The following NBAS variants were observed in gnomAD, a reference collection of about 807,000 sequenced individuals.
NBAS encodes NAG/BC035112 fusion.
A neutral mutation model predicts 302.5 loss-of-function variants in NBAS; 219 were observed. That is an observed-to-expected ratio of 0.72 (90% CI 0.65 to 0.81). NBAS has a LOEUF of 0.81. Ranked by LOEUF, NBAS falls within the 30% of genes least tolerant of loss-of-function variation. The pLI, the probability that NBAS is intolerant of heterozygous loss-of-function variation, is 0.00. For missense variants in NBAS, 2,932 were observed against 2,841.6 expected (o/e 1.03, Z -0.72); for synonymous variants, 1,118 against 1,021.6 (o/e 1.09, Z -1.80).
In NBAS at chr2:15,461,101, T is replaced by C. The variant is rs555214457; in HGVS notation, c.2339+100A>G. 4.5e-6 allele frequency: 5 copies of C among 1,113,460 alleles called. No homozygotes were observed. The South Asian group carries it at 4.7e-5, about 10-fold the overall frequency. 69.0% of individuals were successfully genotyped at this position (1,113,460 alleles called of 1,614,324 possible). On this transcript the variant is annotated intron_variant, in intron 21 of 51. Transcript: ENST00000281513. ...TTATCAGGAAAAAAGTTTAAATATA[T>C]TACATTAAAATTATTTTTTTTAACT...
chr2:15,515,669 C>T (rs1221334557), intron 9 of NBAS, among the ~76,000 whole-genome samples: 1 of 152,076 alleles, frequency 6.6e-6, no homozygotes, highest in Non-Finnish European at 1.5e-5. Context: ...TGATGATTGG[C>T]CAAGTAAATA....
intron 31 of NBAS, among the ~76,000 whole-genome samples, chr2:15,372,410 G>C (rs1436255724): frequency 1.3e-5 from 2 of 152,092 alleles, no homozygotes; most frequent in Admixed American, 6.5e-5. Flanking sequence ...AGCAACTCCT[G>C]GAGTGTAGGC....
chr2:14,812,056 T>C, the NBAS span, among the ~76,000 whole-genome samples: 1 of 152,190 alleles, frequency 6.6e-6, no homozygotes, highest in African/African-American at 2.4e-5. Context: ...CTGCATGACA[T>C]TGGCTAGGGC....
Position 15,538,495 on chromosome 2 carries a change from C to G in NBAS, c.513+728G>C, listed in dbSNP as rs1663631140. 1.6e-5 allele frequency: 4 copies of G among 256,536 alleles called. No individual in the cohort carries two copies. In the South Asian group the frequency reaches 1.7e-4, roughly 11 times the overall value. The allele number at this position is 256,536 out of a possible 1,614,324, so 15.9% of individuals were successfully genotyped here. A position where few individuals can be genotyped will look rare whatever the true frequency, so the allele number is the denominator to read the frequency against. On this transcript the variant is annotated intron_variant, in intron 7 of 51. Coordinates refer to ENST00000281513, the MANE Select transcript of NBAS (RefSeq NM_015909.4). Reference sequence around the variant, plus strand: ...CCACAAAGATCAAATGAATCAGAATCTCTGTGAGTAGCGCCTGGGCAATCT... The same window carrying G: ...CCACAAAGATCAAATGAATCAGAATGTCTGTGAGTAGCGCCTGGGCAATCT...
At chr2:14,884,841 C>T in the NBAS span, among the ~76,000 whole-genome samples, 1 of 152,132 alleles carries the variant, frequency 6.6e-6, no homozygotes, top group African/African-American at 2.4e-5. Flanking sequence ...AGAAGAGATG[C>T]CTTTGAGCTG....
intron 21 of NBAS, 116 bp from the exon 22 acceptor site, chr2:15,427,910 ATAG>A: frequency 1.3e-6 from 1 of 791,086 alleles, no homozygotes. Flanking sequence ...ATTCATGCTT[ATAG>A]TATTTTAAGT....
the NBAS span, among the ~76,000 whole-genome samples, chr2:14,976,158 A>C: frequency 1.3e-5 from 2 of 152,234 alleles, no homozygotes; most frequent in Admixed American, 6.5e-5. Flanking sequence ...ACACGGCATG[A>C]GCCTCTCAGT....
chr2:14,881,800 G>A, the NBAS span, among the ~76,000 whole-genome samples: 1 of 152,096 alleles, frequency 6.6e-6, no homozygotes, highest in African/African-American at 2.4e-5. Flanking sequence ...GAGCCTGTAT[G>A]GTCTCCTAAA....
the NBAS span, among the ~76,000 whole-genome samples, chr2:15,081,082 A>G: frequency 6.6e-6 from 1 of 152,090 alleles, no homozygotes; most frequent in Non-Finnish European, 1.5e-5. Context: ...TGGTCTTCTC[A>G]CACATATGCC....
chr2:14,848,030 C>T, the NBAS span, among the ~76,000 whole-genome samples: 6 of 152,196 alleles, frequency 3.9e-5, 1 homozygote, highest in African/African-American at 1.2e-4. Flanking sequence ...CCTGAATGAC[C>T]AATATGTCAA....
At chr2:15,093,428 A>G in the NBAS span, among the ~76,000 whole-genome samples, 2 of 152,218 alleles carry the variant, frequency 1.3e-5, no homozygotes, top group African/African-American at 2.4e-5. Context: ...AATAAAAAAT[A>G]AAAAGGGCAC....
chr2:15,085,645 C>T, the NBAS span, among the ~76,000 whole-genome samples: 13 of 152,276 alleles, frequency 8.5e-5, no homozygotes, highest in Non-Finnish European at 1.8e-4. Flanking sequence ...CTGCAGCCAC[C>T]CAAGTCAGGA....
chr2:14,842,856 A>T, the NBAS span, among the ~76,000 whole-genome samples: 1 of 151,054 alleles, frequency 6.6e-6, no homozygotes, highest in East Asian at 1.9e-4. Context: ...CAAAAAAAAA[A>T]AAAAAAAACA....
the NBAS span, among the ~76,000 whole-genome samples, chr2:15,117,332 G>A: frequency 6.6e-6 from 1 of 152,102 alleles, no homozygotes; most frequent in Non-Finnish European, 1.5e-5. Context: ...AATATATCCT[G>A]GTTCTTGTCT....
At chr2:15,511,063 G>A in intron 10 of NBAS, 149 bp downstream of exon 10, 1 of 1,025,448 alleles carries the variant, frequency 9.8e-7, no homozygotes, top group Non-Finnish European at 1.4e-6. Context: ...TTATTTGAAA[G>A]AAATAAAATT....
At chr2:15,049,340 G>A in the NBAS span, among the ~76,000 whole-genome samples, 1 of 152,156 alleles carries the variant, frequency 6.6e-6, no homozygotes, top group Non-Finnish European at 1.5e-5. Context: ...CCACCTGCTG[G>A]GCTGCCTCCT....
the NBAS span, among the ~76,000 whole-genome samples, chr2:15,069,502 T>A: frequency 1.3e-5 from 2 of 151,894 alleles, no homozygotes; most frequent in African/African-American, 4.8e-5. Context: ...CACTGAGCTC[T>A]GAAGTCAGGC....
intron 23 of NBAS, among the ~76,000 whole-genome samples, chr2:15,419,389 TTGTG>T (rs987052116): frequency 7.3e-5 from 11 of 150,688 alleles, no homozygotes; most frequent in Admixed American, 1.3e-4. Flanking sequence ...AAAGTAAAAA[TTGTG>T]TGTGTGTATG....
the NBAS span, among the ~76,000 whole-genome samples, chr2:14,973,749 A>C: frequency 0.42 from 64,307 of 152,096 alleles, 14,639 homozygotes; most frequent in African/African-American, 0.59. Flanking sequence ...TACATAAGTT[A>C]TTTACGATAT....
Sources: allele counts gnomAD v4.1 joint callset (sites outside exome capture counted in the v4.1 genomes callset), GRCh38; gene constraint gnomAD v4.1.1; transcripts MANE v1.5; gene names NCBI Gene and HGNC (gene_info 2026-07-23, HGNC 2026-07-21).